EBF2: variants seen among roughly 807,000 people sequenced by gnomAD.
The protein encoded by EBF2 is EBF transcription factor 2, also known as transcription factor COE2.
A neutral mutation model predicts 72.8 loss-of-function variants in EBF2; 21 were observed. That is an observed-to-expected ratio of 0.29 (90% CI 0.20 to 0.42). EBF2 has a LOEUF of 0.42. EBF2 is among the 10% of genes least tolerant of loss of function. The probability of loss-of-function intolerance (pLI) is 1.00; values close to 1 mark genes in which losing one functional copy is unlikely to be tolerated. For missense variants in EBF2, 637 were observed against 731.2 expected (o/e 0.87, Z 1.49); for synonymous variants, 299 against 274.2 (o/e 1.09, Z -0.89).
intron 14 of EBF2, chr8:25,857,938 G>A (rs1436295985): frequency 8.3e-6 from 3 of 360,076 alleles, no homozygotes; most frequent in East Asian, 1.4e-4. Context: ...TCTATAACAT[G>A]AAGAAAAAGT....
chr8:25,924,348 T>C (rs1803351271), intron 6 of EBF2, among the ~76,000 whole-genome samples: 1 of 152,212 alleles, frequency 6.6e-6, no homozygotes, highest in African/African-American at 2.4e-5. Context: ...CACTTAGCAA[T>C]TGTCTTCCTA....
chr8:26,006,030 A>T (rs1804876315), intron 6 of EBF2, among the ~76,000 whole-genome samples: 2 of 152,074 alleles, frequency 1.3e-5, no homozygotes, highest in African/African-American at 4.8e-5. Context: ...CAGAACAAAC[A>T]TCCATTTTCA....
chr8:25,954,765 G>C (rs879549863), intron 6 of EBF2, among the ~76,000 whole-genome samples: 1 of 152,088 alleles, frequency 6.6e-6, no homozygotes, highest in Non-Finnish European at 1.5e-5. Flanking sequence ...AAGCCCTCGC[G>C]GCTCCCCAAG....
intron 6 of EBF2, among the ~76,000 whole-genome samples, chr8:26,023,282 T>G (rs1805233371): frequency 6.6e-6 from 1 of 152,220 alleles, no homozygotes; most frequent in Non-Finnish European, 1.5e-5. Context: ...TGCAAAGAGA[T>G]GTCTTTTCTA....
At chr8:26,007,231 C>T (rs1190242760) in intron 6 of EBF2, among the ~76,000 whole-genome samples, 1 of 152,138 alleles carries the variant, frequency 6.6e-6, no homozygotes, top group East Asian at 1.9e-4. Flanking sequence ...GAGAGCCTGG[C>T]CTCTTGGTGA....
At chr8:25,851,258 T>G (rs369108390) in intron 14 of EBF2, among the ~76,000 whole-genome samples, 2 of 152,184 alleles carry the variant, frequency 1.3e-5, no homozygotes, top group East Asian at 3.9e-4. Context: ...ACATCTTCTC[T>G]GAGAGTGCCA....
chr8:25,904,017 G>A (rs575264709), intron 7 of EBF2, among the ~76,000 whole-genome samples: 3 of 152,274 alleles, frequency 2.0e-5, no homozygotes, highest in African/African-American at 7.2e-5. Flanking sequence ...ACCAGGAAAA[G>A]TCCTAAGTGG....
chr8:26,017,374 C>T (rs552438253), intron 6 of EBF2, among the ~76,000 whole-genome samples: 1 of 152,074 alleles, frequency 6.6e-6, no homozygotes. Context: ...AAGTGAGATG[C>T]CACAATCTAC....
chr8:26,004,064 G>T (rs1804787177), intron 6 of EBF2, among the ~76,000 whole-genome samples: 1 of 151,176 alleles, frequency 6.6e-6, no homozygotes, highest in South Asian at 2.1e-4. Context: ...TTATTGAATT[G>T]GTATTTTCCC....
chr8:25,911,533 G>A (rs958815074), intron 6 of EBF2, among the ~76,000 whole-genome samples: 5 of 152,184 alleles, frequency 3.3e-5, no homozygotes, highest in Admixed American at 3.3e-4. Context: ...CAGATCCATT[G>A]GAAATGCCCC....
At chr8:26,002,413 G>A (rs995441840) in intron 6 of EBF2, among the ~76,000 whole-genome samples, 1 of 152,200 alleles carries the variant, frequency 6.6e-6, no homozygotes, top group Non-Finnish European at 1.5e-5. Context: ...GGCAGCCAGC[G>A]CCGAGCCTAC....
intron 6 of EBF2, among the ~76,000 whole-genome samples, chr8:25,996,351 A>AT (rs1168800128): frequency 6.6e-6 from 1 of 151,944 alleles, no homozygotes; most frequent in African/African-American, 2.4e-5. Flanking sequence ...CATTAATGAA[A>AT]TTTTTTCCAG....
chr8:25,974,714 G>A (rs896286977), intron 6 of EBF2, among the ~76,000 whole-genome samples: 1 of 152,054 alleles, frequency 6.6e-6, no homozygotes, highest in African/African-American at 2.4e-5. Context: ...ATAATTATGA[G>A]TCCCTGCTTT....
chr8:25,900,368 A>T (rs1342170941), intron 7 of EBF2, among the ~76,000 whole-genome samples: 1 of 152,196 alleles, frequency 6.6e-6, no homozygotes, highest in Non-Finnish European at 1.5e-5. Context: ...TTGAAGCAGG[A>T]GGATCACTTA....
At chr8:26,041,254 TG>T (rs1451070525) in intron 2 of EBF2, 1 of 554,780 alleles carries the variant, frequency 1.8e-6, no homozygotes, top group Non-Finnish European at 3.2e-6. Flanking sequence ...CTCAGAAGTG[TG>T]ACCCTTGAGC....
chr8:25,927,398 G>A (rs1347355702), intron 6 of EBF2, among the ~76,000 whole-genome samples: 1 of 149,338 alleles, frequency 6.7e-6, no homozygotes, highest in Non-Finnish European at 1.5e-5. Context: ...TACACATCAT[G>A]TATATTATAT....
In EBF2 at chr8:26,037,461, T is replaced by G. The variant is rs73227972; in HGVS notation, c.482+2567A>C. On this transcript the variant is annotated intron_variant, in intron 5 of 15. Coordinates refer to ENST00000520164, the MANE Select transcript of EBF2 (RefSeq NM_022659.4). ...TGGTGGCTTTTGTTTTGTTTTCTTC[T>G]CCCCAACTCCTCCCTGCGATTGCAT... Among the ~76,000 whole-genome samples the G allele has an allele frequency of 3.4e-3, 524 of 152,288 alleles. 3 individuals are homozygous for G. Among genetic ancestry groups the G allele is most frequent in the Non-Finnish European group, 5.6e-3 (384 of 68,016 alleles).
chr8:25,990,386 G>A (rs980934023), intron 6 of EBF2, among the ~76,000 whole-genome samples: 1 of 152,114 alleles, frequency 6.6e-6, no homozygotes, highest in Non-Finnish European at 1.5e-5. Flanking sequence ...CTTAAAATGA[G>A]CAATGTTCAG....
intron 14 of EBF2, among the ~76,000 whole-genome samples, chr8:25,851,637 T>C (rs1463766981): frequency 6.6e-6 from 1 of 152,170 alleles, no homozygotes; most frequent in African/African-American, 2.4e-5. Flanking sequence ...TAGCACCTTA[T>C]AGTATAGTTT....
Sources: allele counts gnomAD v4.1 joint callset (sites outside exome capture counted in the v4.1 genomes callset), GRCh38; gene constraint gnomAD v4.1.1; transcripts MANE v1.5; gene names NCBI Gene and HGNC (gene_info 2026-07-23, HGNC 2026-07-21).